Variants in VPS13B observed in about 807,000 individuals in gnomAD.
VPS13B encodes the protein vacuolar protein sorting 13 homolog B.
Under a neutral mutation model 426.4 loss-of-function variants are expected in VPS13B, and 285 were observed. The observed-to-expected ratio is 0.67, with a 90% CI of 0.61 to 0.74. The LOEUF is 0.74. Ranked by LOEUF, VPS13B falls within the 30% of genes least tolerant of loss-of-function variation. The pLI, the probability that VPS13B is intolerant of heterozygous loss-of-function variation, is 0.00. For synonymous variants in VPS13B, 1,676 were observed against 1,676.4 expected (o/e 1.00, Z 0.01); for missense variants, 4,537 against 4,782.6 (o/e 0.95, Z 1.51).
rs958855204 is a variant in VPS13B at position 99,824,085 on chromosome 8, G to A, written c.9330+107G>A. The A allele has an allele frequency of 3.7e-5, 50 of 1,338,492 alleles. 1 individual carries two copies. Among genetic ancestry groups the A allele is most frequent in the Non-Finnish European group, 4.9e-5 (47 of 956,636 alleles). 82.9% of individuals were successfully genotyped at this position (1,338,492 alleles called of 1,614,324 possible). On this transcript the variant is annotated intron_variant, in intron 51 of 61. Transcript: ENST00000357162. ...AAATGAAAAGCTAACCCTGAATGTA[G>A]GTAAAGAGAAATTCACTTATTTTTG...
intron 17 of VPS13B, among the ~76,000 whole-genome samples, chr8:99,272,064 TTA>T (rs1346078307): frequency 4.6e-5 from 7 of 152,200 alleles, no homozygotes; most frequent in African/African-American, 1.7e-4. Context: ...CTTTGAGAGA[TTA>T]TGAGTCTTCT....
intron 16 of VPS13B, among the ~76,000 whole-genome samples, chr8:99,181,004 C>T (rs936113317): frequency 1.3e-5 from 2 of 152,168 alleles, no homozygotes; most frequent in African/African-American, 4.8e-5. Flanking sequence ...TACAGCTTGA[C>T]TATATCCATC....
intron 33 of VPS13B, among the ~76,000 whole-genome samples, chr8:99,604,742 G>A (rs763093106): frequency 3.3e-5 from 5 of 151,832 alleles, no homozygotes; most frequent in African/African-American, 4.8e-5. Flanking sequence ...CACCCGCCTC[G>A]GCCCCCCAAA....
chr8:99,098,583 T>C (rs1846552584), intron 4 of VPS13B, among the ~76,000 whole-genome samples: 1 of 152,160 alleles, frequency 6.6e-6, no homozygotes, highest in Admixed American at 6.5e-5. Flanking sequence ...AGCAAACATA[T>C]GTAGGTAAGT....
At chr8:99,050,390 T>G (rs1015442410) in intron 3 of VPS13B, among the ~76,000 whole-genome samples, 4 of 152,218 alleles carry the variant, frequency 2.6e-5, no homozygotes, top group Non-Finnish European at 4.4e-5. Context: ...GAGCATAGTA[T>G]TCAATCGTGT....
intron 19 of VPS13B, among the ~76,000 whole-genome samples, chr8:99,298,526 T>A (rs964624849): frequency 1.3e-5 from 2 of 151,858 alleles, no homozygotes; most frequent in African/African-American, 2.4e-5. Flanking sequence ...AAAATAAAAA[T>A]AAAAAAGATA....
At chr8:99,210,764 G>A (rs1815043033) in intron 17 of VPS13B, among the ~76,000 whole-genome samples, 1 of 151,980 alleles carries the variant, frequency 6.6e-6, no homozygotes, top group Admixed American at 6.6e-5. Context: ...CACCAGCATG[G>A]CCAGCTAATT....
intron 19 of VPS13B, among the ~76,000 whole-genome samples, chr8:99,294,719 A>G (rs958562161): frequency 6.6e-6 from 1 of 152,070 alleles, no homozygotes; most frequent in African/African-American, 2.4e-5. Context: ...GCTCAATTTG[A>G]TTGTTTCTTA....
intron 31 of VPS13B, among the ~76,000 whole-genome samples, chr8:99,560,355 T>C (rs1294222556): frequency 6.6e-6 from 1 of 151,918 alleles, no homozygotes; most frequent in Non-Finnish European, 1.5e-5. Flanking sequence ...AGACGTGTTT[T>C]CTAGGAAGCC....
intron 25 of VPS13B, among the ~76,000 whole-genome samples, chr8:99,483,343 T>A (rs551996763): frequency 1.3e-5 from 2 of 152,292 alleles, no homozygotes; most frequent in South Asian, 4.1e-4. Flanking sequence ...ATCAAGTTAA[T>A]GGGACGTATC....
chr8:99,299,140 C>T (rs1820214639), intron 19 of VPS13B, among the ~76,000 whole-genome samples: 1 of 142,824 alleles, frequency 7.0e-6, no homozygotes, highest in South Asian at 2.3e-4. Flanking sequence ...TGGCTCACTG[C>T]AACCTCAGCC....
At chr8:99,524,465 G>T (rs1822541576) in intron 30 of VPS13B, among the ~76,000 whole-genome samples, 1 of 152,090 alleles carries the variant, frequency 6.6e-6, no homozygotes, top group South Asian at 2.1e-4. Flanking sequence ...GGATAAAAAA[G>T]GATCCTAAAA....
chr8:99,668,394 G>A (rs1216261074), intron 35 of VPS13B, among the ~76,000 whole-genome samples: 1 of 151,632 alleles, frequency 6.6e-6, no homozygotes, highest in Non-Finnish European at 1.5e-5. Flanking sequence ...TAAAGGTAGA[G>A]GGAATACTGA....
chr8:99,859,325 A>G lies in VPS13B; in HGVS notation c.10889A>G (p.Asp3630Gly). 6.2e-7 allele frequency: 1 copy of G among 1,613,596 alleles called. No homozygotes were observed. Among genetic ancestry groups the G allele is most frequent in the Non-Finnish European group, 8.5e-7 (1 of 1,179,910 alleles). Reference protein sequence around the residue: ...FRAGWVVGSLDILGSPASLVR... With the variant: ...FRAGWVVGSLGILGSPASLVR... ...GCAGGCTGGGTAGTTGGGTCTCTGGATATTCTTGGCAGCCCTGCAAGCCTG... is the reference window on the plus strand; with the variant it reads ...GCAGGCTGGGTAGTTGGGTCTCTGGGTATTCTTGGCAGCCCTGCAAGCCTG... The change falls in exon 57 of 62, where the codon GAT (aspartate) becomes GGT (glycine). Residue 3630 changes from aspartate to glycine, a missense_variant. By Grantham distance (94) the Asp-to-Gly change is moderately conservative (BLOSUM62 -1). Transcript: ENST00000357162.
chr8:99,293,761 T>C (rs1270051010), intron 19 of VPS13B, among the ~76,000 whole-genome samples: 1 of 152,122 alleles, frequency 6.6e-6, no homozygotes, highest in Non-Finnish European at 1.5e-5. Flanking sequence ...AAAGAAGACA[T>C]TTATGCAGCC....
intron 3 of VPS13B, among the ~76,000 whole-genome samples, chr8:99,077,922 C>G (rs1337324513): frequency 1.3e-5 from 2 of 151,976 alleles, no homozygotes; most frequent in Non-Finnish European, 2.9e-5. Flanking sequence ...TCTTAAAAGA[C>G]TTGTCTTCAA....
intron 3 of VPS13B, among the ~76,000 whole-genome samples, chr8:99,084,291 G>T (rs1469414636): frequency 6.6e-6 from 1 of 152,128 alleles, no homozygotes; most frequent in Admixed American, 6.6e-5. Context: ...TGTGGGATTG[G>T]TGGTGATATC....
chr8:99,640,063 A>AGAAGAAGAAGAAGAAGAAGAAGAAG (rs1233008721), intron 33 of VPS13B, among the ~76,000 whole-genome samples: 3 of 103,046 alleles, frequency 2.9e-5, no homozygotes, highest in Admixed American at 1.0e-4. Flanking sequence ...AAAGAAAAGA[A>AGAAGAAGAAGAAGAAGAAGAAGAAG]AAGAAAAGAA....
chr8:99,333,710 T>A (rs1167276071), intron 19 of VPS13B, among the ~76,000 whole-genome samples: 1 of 151,914 alleles, frequency 6.6e-6, no homozygotes, highest in Non-Finnish European at 1.5e-5. Flanking sequence ...ACCACTGGCA[T>A]CTACTAATAT....
Sources: gnomAD v4.1 joint callset for allele counts (sites outside exome capture counted in the v4.1 genomes callset) on GRCh38, gnomAD v4.1.1 for gene constraint, MANE v1.5 for transcripts, NCBI Gene and HGNC (gene_info 2026-07-23, HGNC 2026-07-21) for gene names.